The following IL1RAPL1 variants were observed in gnomAD, a reference collection of about 807,000 sequenced individuals.
IL1RAPL1 encodes the protein interleukin 1 receptor accessory protein like 1, also known as interleukin-1 receptor accessory protein-like 1.
A neutral mutation model predicts 48.4 loss-of-function variants in IL1RAPL1; 3 were observed. The observed-to-expected ratio is 0.06, with a 90% confidence interval of 0.03 to 0.16. The LOEUF (loss-of-function observed/expected upper bound fraction) is 0.16. Ranked by LOEUF, IL1RAPL1 falls within the 10% of genes least tolerant of loss-of-function variation. The pLI, the probability that IL1RAPL1 is intolerant of heterozygous loss-of-function variation, is 1.00. For missense variants in IL1RAPL1, 349 were observed against 530.6 expected, an observed-to-expected ratio of 0.66 and a Z score of 3.36; for synonymous variants, 185 against 187.7, an observed-to-expected ratio of 0.99 and a Z score of 0.12.
chrX:29,315,902 T>C (rs964500047), intron 3 of IL1RAPL1, among the ~76,000 whole-genome samples: 2 of 111,675 alleles, frequency 1.8e-5, no homozygotes, highest in African/African-American at 3.3e-5. Context: ...TTGGGATAAA[T>C]TAGAGTATTG....
intron 2 of IL1RAPL1, among the ~76,000 whole-genome samples, chrX:29,226,704 G>A (rs1426673638): frequency 9.1e-6 from 1 of 109,361 alleles, no homozygotes; most frequent in Non-Finnish European, 1.9e-5. Context: ...CAAAGTGCAG[G>A]GATTACAGGC....
At chrX:28,723,683 A>G (rs1226270018) in intron 1 of IL1RAPL1, among the ~76,000 whole-genome samples, 4 of 111,198 alleles carry the variant, frequency 3.6e-5, no homozygotes, top group African/African-American at 9.8e-5. Context: ...TAATTGTGAT[A>G]TTAGGGTGTC....
chrX:28,857,618 G>A (rs1178263047), intron 2 of IL1RAPL1, among the ~76,000 whole-genome samples: 1 of 111,421 alleles, frequency 9.0e-6, no homozygotes, highest in Non-Finnish European at 1.9e-5. Context: ...GACAGCACAT[G>A]TGTTTATAGC....
intron 2 of IL1RAPL1, among the ~76,000 whole-genome samples, chrX:29,215,581 A>G (rs1930851904): frequency 9.0e-6 from 1 of 111,039 alleles, no homozygotes; most frequent in South Asian, 3.8e-4. Flanking sequence ...TATAAATAGG[A>G]CAGTTAGGTG....
chrX:29,160,613 T>A (rs976258490), intron 2 of IL1RAPL1, among the ~76,000 whole-genome samples: 3 of 112,537 alleles, frequency 2.7e-5, no homozygotes, highest in Non-Finnish European at 5.6e-5. Flanking sequence ...GGTTTGTTCA[T>A]CTATGCCACA....
intron 3 of IL1RAPL1, among the ~76,000 whole-genome samples, chrX:29,307,010 C>A (rs1932636726): frequency 1.8e-5 from 2 of 111,368 alleles, no homozygotes; most frequent in South Asian, 7.5e-4. Context: ...TACCGTCTCT[C>A]CTGTAGCTAC....
At chrX:29,848,449 A>C (rs1225407377) in intron 6 of IL1RAPL1, among the ~76,000 whole-genome samples, 1 of 111,006 alleles carries the variant, frequency 9.0e-6, no homozygotes, top group Admixed American at 9.6e-5. Flanking sequence ...AAAAAAAAAA[A>C]ACATCCTATT....
chrX:28,740,845 T>C (rs1004050803), intron 1 of IL1RAPL1, among the ~76,000 whole-genome samples: 1 of 111,895 alleles, frequency 8.9e-6, no homozygotes, highest in African/African-American at 3.2e-5. Flanking sequence ...TATGGCTGTG[T>C]GGCGTTTCAT....
intron 6 of IL1RAPL1, among the ~76,000 whole-genome samples, chrX:29,818,284 T>C (rs1364251902): frequency 8.9e-6 from 1 of 112,351 alleles, no homozygotes; most frequent in Non-Finnish European, 1.9e-5. Flanking sequence ...GTGACCAGCA[T>C]GGGTTTCTAA....
intron 5 of IL1RAPL1, among the ~76,000 whole-genome samples, chrX:29,411,625 A>G (rs1158275339): frequency 9.0e-6 from 1 of 110,874 alleles, no homozygotes; most frequent in East Asian, 2.8e-4. Flanking sequence ...TGTCCGTCCC[A>G]GGTGTTAGAG....
intron 6 of IL1RAPL1, among the ~76,000 whole-genome samples, chrX:29,837,922 AGT>A (rs1248745348): frequency 8.9e-6 from 1 of 112,341 alleles, no homozygotes; most frequent in Admixed American, 9.4e-5. Flanking sequence ...TTATAAAAAG[AGT>A]GTAAGATGAA....
At chrX:28,615,473 C>T (rs1220364070) in intron 1 of IL1RAPL1, among the ~76,000 whole-genome samples, 1 of 109,929 alleles carries the variant, frequency 9.1e-6, no homozygotes, top group Non-Finnish European at 1.9e-5. Context: ...TTGTAAAAGT[C>T]AGTTTAAAAA....
chrX:28,924,747 A>G (rs944049677), intron 2 of IL1RAPL1, among the ~76,000 whole-genome samples: 16 of 112,478 alleles, frequency 1.4e-4, no homozygotes, highest in Non-Finnish European at 5.6e-5. Flanking sequence ...GAGTAGGTAC[A>G]TGATGGAAAT....
At chrX:28,888,618 T>A (rs1922700224) in intron 2 of IL1RAPL1, among the ~76,000 whole-genome samples, 1 of 111,004 alleles carries the variant, frequency 9.0e-6, no homozygotes, top group African/African-American at 3.3e-5. Context: ...GTTTTGGAGA[T>A]ATCACAGATT....
At chrX:28,867,870 T>C (rs1922116142) in intron 2 of IL1RAPL1, among the ~76,000 whole-genome samples, 1 of 111,772 alleles carries the variant, frequency 8.9e-6, no homozygotes, top group African/African-American at 3.3e-5. Context: ...TTAATATTTG[T>C]ACCACTTCAT....
chrX:29,462,938 T>C (rs1934819405), intron 5 of IL1RAPL1, among the ~76,000 whole-genome samples: 1 of 111,676 alleles, frequency 9.0e-6, no homozygotes, highest in Admixed American at 9.6e-5. Flanking sequence ...TAATATTGTT[T>C]GGCATCTCAC....
chrX:29,028,274 C>G (rs1221798936), intron 2 of IL1RAPL1, among the ~76,000 whole-genome samples: 1 of 106,723 alleles, frequency 9.4e-6, no homozygotes, highest in East Asian at 2.9e-4. Flanking sequence ...ATTTTACGCC[C>G]TACTGTTTTT....
At chrX:29,434,445 G>T (rs1934458078) in intron 5 of IL1RAPL1, among the ~76,000 whole-genome samples, 1 of 110,637 alleles carries the variant, frequency 9.0e-6, no homozygotes, top group South Asian at 3.7e-4. Flanking sequence ...TCTCGTTCCA[G>T]TTAGGCTCAT....
intron 6 of IL1RAPL1, among the ~76,000 whole-genome samples, chrX:29,794,514 C>G (rs1168418758): frequency 8.9e-6 from 1 of 111,814 alleles, no homozygotes; most frequent in Admixed American, 9.5e-5. Context: ...TTAAAGCAAG[C>G]CTGAGATTAA....
Sources: gnomAD v4.1 joint callset for allele counts (sites outside exome capture counted in the v4.1 genomes callset) on GRCh38, gnomAD v4.1.1 for gene constraint, MANE v1.5 for transcripts, NCBI Gene and HGNC (gene_info 2026-07-23, HGNC 2026-07-21) for gene names.